The following TMEM255B variants were observed in gnomAD, a reference collection of about 807,000 sequenced individuals.
TMEM255B encodes the protein family with sequence similarity 70, member B.
Under a neutral mutation model 34.5 loss-of-function variants are expected in TMEM255B, and 35 were observed. That is an observed-to-expected ratio of 1.01 (90% CI 0.77 to 1.34). The LOEUF (loss-of-function observed/expected upper bound fraction) is 1.34. Ranked by LOEUF, TMEM255B falls within the 40% of genes most tolerant of loss-of-function variation. The pLI is 0.00. For missense variants in TMEM255B, 432 were observed against 433.2 expected, an observed-to-expected ratio of 1.00 and a Z score of 0.02; for synonymous variants, 206 against 201.2, an observed-to-expected ratio of 1.02 and a Z score of -0.20.
chr13:113,811,894 C>T lies in TMEM255B; in HGVS notation c.972C>T (p.Tyr324=), dbSNP rs9604467. ...YFPPGEKPPP[Y]AP is the part of the protein sequence containing the mutation. ...CCCCGGGGGAGAAGCCACCCCCCTA[C>T]GCACCCTGATAGAGGCGTGGAGTAA... The change falls in exon 9 of 9, where the codon TAC becomes TAT. Residue 324 remains tyrosine (Y), a synonymous_variant. Coordinates refer to ENST00000375353, the MANE Select transcript of TMEM255B (RefSeq NM_182614.4). 1,809 of 1,609,930 alleles carry T rather than the reference C, an allele frequency of 1.1e-3. 25 individuals are homozygous for T. In the African/African-American group the frequency reaches 0.022, roughly 20 times the overall value.
chr13:113,762,154 C>G (rs765801256), intron 1 of TMEM255B, among the ~76,000 whole-genome samples: 1 of 149,200 alleles, frequency 6.7e-6, no homozygotes, highest in Non-Finnish European at 1.5e-5. Context: ...AATTATCTTT[C>G]TCCTAAGTGA....
chr13:113,776,833 G>C (rs1270234348), intron 3 of TMEM255B, among the ~76,000 whole-genome samples: 1 of 152,134 alleles, frequency 6.6e-6, no homozygotes, highest in African/African-American at 2.4e-5. Context: ...TGGTGAGCAG[G>C]AAAAGCTCCT....
At chr13:113,775,064 CCA>C (rs75434298) in intron 3 of TMEM255B, among the ~76,000 whole-genome samples, 1 of 149,232 alleles carries the variant, frequency 6.7e-6, no homozygotes, top group Non-Finnish European at 1.5e-5. Flanking sequence ...ACACCACACA[CCA>C]CACACTCCAC....
At chr13:113,811,557 G>A (rs1418973396) in intron 8 of TMEM255B, among the ~76,000 whole-genome samples, 179 bp from the exon 9 acceptor site, 3 of 125,848 alleles carry the variant, frequency 2.4e-5, no homozygotes, top group African/African-American at 6.5e-5. Context: ...GAGGGGGCCT[G>A]TGTGAATAGC....
intron 7 of TMEM255B, among the ~76,000 whole-genome samples, chr13:113,802,566 G>A (rs1381806359): frequency 1.3e-5 from 2 of 152,152 alleles, no homozygotes; most frequent in Admixed American, 6.5e-5. Context: ...CCAGGCAGAC[G>A]CACATCATGC....
chr13:113,775,740 G>C (rs1173228199), intron 3 of TMEM255B, among the ~76,000 whole-genome samples: 1 of 152,242 alleles, frequency 6.6e-6, no homozygotes, highest in South Asian at 2.1e-4. Flanking sequence ...CACCCAGCTC[G>C]GGGTTGGTCC....
intron 3 of TMEM255B, among the ~76,000 whole-genome samples, chr13:113,777,629 G>T (rs972671255): frequency 1.3e-5 from 2 of 152,242 alleles, no homozygotes; most frequent in Non-Finnish European, 2.9e-5. Context: ...AACAGCTCCC[G>T]CCCGGGTCCA....
At chr13:113,793,775 G>A (rs775464296) in intron 3 of TMEM255B, among the ~76,000 whole-genome samples, 3 of 152,240 alleles carry the variant, frequency 2.0e-5, no homozygotes, top group Non-Finnish European at 2.9e-5. Flanking sequence ...CCGCAAAAGG[G>A]CTTGGCCAGC....
At chr13:113,782,538 G>A (rs2050678790) in intron 3 of TMEM255B, among the ~76,000 whole-genome samples, 1 of 152,208 alleles carries the variant, frequency 6.6e-6, no homozygotes, top group Admixed American at 6.5e-5. Context: ...ACTCCATCTT[G>A]CTTCTGGCCT....
Position 113,799,336 on chromosome 13 carries a change from T to C in TMEM255B, c.343-3T>C, listed in dbSNP as rs1267749521. 3 of 1,613,754 alleles carry C rather than the reference T, an allele frequency of 1.9e-6. No homozygotes were observed. In the African/African-American group the frequency reaches 4.0e-5, roughly 22 times the overall value. On this transcript the variant is annotated splice_region_variant and splice_polypyrimidine_tract_variant and intron_variant, in intron 4 of 8. Transcript: ENST00000375353. ...TTCCATCTGTGTTTATCTGTTTCTC[T>C]AGGAACCGAGGCCCCTCACCACGGG...
At chr13:113,760,238 TC>T (rs1417224460) in intron 1 of TMEM255B, among the ~76,000 whole-genome samples, 5 of 152,206 alleles carry the variant, frequency 3.3e-5, no homozygotes, top group Admixed American at 3.3e-4. Flanking sequence ...CTTAAAATAA[TC>T]AAATAATTTG....
intron 3 of TMEM255B, among the ~76,000 whole-genome samples, chr13:113,790,847 C>T (rs1594144455): frequency 1.3e-5 from 2 of 151,918 alleles, no homozygotes; most frequent in South Asian, 2.1e-4. Flanking sequence ...CTGGACTGAC[C>T]GGACACGTAG....
intron 3 of TMEM255B, among the ~76,000 whole-genome samples, chr13:113,794,314 A>G (rs1467122910): frequency 2.0e-5 from 3 of 152,152 alleles, no homozygotes; most frequent in Non-Finnish European, 4.4e-5. Flanking sequence ...AGGTCCGAAC[A>G]GACTCAGGCT....
At chr13:113,780,456 C>T (rs1054668840) in intron 3 of TMEM255B, among the ~76,000 whole-genome samples, 2 of 152,204 alleles carry the variant, frequency 1.3e-5, no homozygotes, top group Non-Finnish European at 2.9e-5. Context: ...CCAAATTTTG[C>T]TCATGGGAGT....
intron 1 of TMEM255B, among the ~76,000 whole-genome samples, chr13:113,761,703 A>G (rs1459173402): frequency 6.6e-6 from 1 of 152,070 alleles, no homozygotes; most frequent in Non-Finnish European, 1.5e-5. Context: ...CCTATATGAG[A>G]GCCCACGTAT....
Position 113,787,573 on chromosome 13 carries a change from G to A in TMEM255B, c.253-7575G>A, listed in dbSNP as rs373995147. Among the ~76,000 whole-genome samples, 10 of 152,282 alleles carry A rather than the reference G, an allele frequency of 6.6e-5. No individual in the cohort carries two copies. In the East Asian group the frequency reaches 1.9e-3, roughly 29 times the overall value. ...CATGTGGGGAGCCCCTGAGTTTTGTGGTTCTGGGACACCCGCATGGCAGGT... is the reference window on the plus strand; with the variant it reads ...CATGTGGGGAGCCCCTGAGTTTTGTAGTTCTGGGACACCCGCATGGCAGGT... On this transcript the variant is annotated intron_variant, in intron 3 of 8. Transcript: ENST00000375353.
rs2051317338 is a variant in TMEM255B at position 113,811,865 on chromosome 13, T to C, written c.943T>C (p.Phe315Leu). ...QAPPCYAPTY[F>L]PPGEKPPPYA... ...TCCACCGTGCTACGCACCCACCTAC[T>C]TTCCCCCGGGGGAGAAGCCACCCCC... Residue 315 changes from phenylalanine to leucine, a missense_variant, in exon 9 of 9, where the codon TTT (phenylalanine) becomes CTT (leucine). Physicochemically the swap from Phe to Leu is conservative, Grantham distance 22. Coordinates refer to ENST00000375353, the MANE Select transcript of TMEM255B (RefSeq NM_182614.4). The C allele has an allele frequency of 1.2e-6, 2 of 1,613,184 alleles. No individual in the cohort carries two copies. The highest frequency in any genetic ancestry group is 1.7e-6 in the Non-Finnish European group (2 of 1,179,612).
In TMEM255B at chr13:113,814,476, A is replaced by G. The variant is rs2051382232; in HGVS notation, c.*2573A>G. The G allele has an allele frequency of 6.6e-6, 1 of 152,252 alleles. No homozygotes were observed. Among genetic ancestry groups the G allele is most frequent in the Non-Finnish European group, 1.5e-5 (1 of 68,048 alleles). 9.4% of individuals were successfully genotyped at this position (152,252 alleles called of 1,614,324 possible). A position where few individuals can be genotyped will look rare whatever the true frequency, so the allele number is the denominator to read the frequency against. On this transcript the variant is annotated 3_prime_UTR_variant, in exon 9 of 9. Transcript: ENST00000375353. ...GGTCAACAGTTTTGTTCTTGCCACAAAAATGTCCTTATCCTTTATCCCAGC... is the reference window on the plus strand; with the variant it reads ...GGTCAACAGTTTTGTTCTTGCCACAGAAATGTCCTTATCCTTTATCCCAGC...
intron 3 of TMEM255B, among the ~76,000 whole-genome samples, chr13:113,787,289 C>T (rs2050761085): frequency 6.6e-6 from 1 of 152,158 alleles, no homozygotes; most frequent in Non-Finnish European, 1.5e-5. Context: ...TATTTATTAG[C>T]ATTTGAAAAA....
Sources: allele counts gnomAD v4.1 joint callset (sites outside exome capture counted in the v4.1 genomes callset), GRCh38; gene constraint gnomAD v4.1.1; transcripts MANE v1.5; gene names NCBI Gene and HGNC (gene_info 2026-07-23, HGNC 2026-07-21).